Variants in CHAF1B observed in about 807,000 individuals in gnomAD.
CHAF1B encodes CAF-1 subunit B.
A neutral mutation model predicts 60.7 loss-of-function variants in CHAF1B; 10 were observed. That is an observed-to-expected ratio of 0.16 (90% confidence interval 0.10 to 0.28). The LOEUF is 0.28. Among genes scored for constraint, CHAF1B ranks in the 10% least tolerant of loss-of-function variants. The probability of loss-of-function intolerance (pLI) is 1.00; values close to 1 mark genes in which losing one functional copy is unlikely to be tolerated. For synonymous variants in CHAF1B, 261 were observed against 266.1 expected, an observed-to-expected ratio of 0.98 and a Z score of 0.19; for missense variants, 558 against 708.4, an observed-to-expected ratio of 0.79 and a Z score of 2.41.
At chr21:36,398,056 T>G (rs917421939) in intron 6 of CHAF1B, 1 of 132,148 alleles carries the variant, frequency 7.6e-6, no homozygotes, top group African/African-American at 3.3e-5. Context: ...ATTATTACTA[T>G]TTTTTTTTTT....
In CHAF1B at chr21:36,407,300, T is replaced by TAA. The variant is rs56714492; in HGVS notation, c.758-1445_758-1444dup. On this transcript the variant is annotated intron_variant, in intron 8 of 13. Coordinates refer to ENST00000314103, the MANE Select transcript of CHAF1B (RefSeq NM_005441.3). ...CTGGGCAACAGAGTGAGACTCTGTCTAAAAAAAAAAAAAAAAAGTATATGT... is the reference window on the plus strand; with the variant it reads ...CTGGGCAACAGAGTGAGACTCTGTCTAAAAAAAAAAAAAAAAAAAGTATATGT... Among the ~76,000 whole-genome samples, 216 of 128,656 alleles carry TAA rather than the reference T, an allele frequency of 1.7e-3. 1 individual carries two copies. The highest frequency in any genetic ancestry group is 5.5e-3 in the African/African-American group (200 of 36,198). The allele number at this position is 128,656 out of a possible 152,430, so 84.4% of individuals were successfully genotyped here.
At chr21:36,409,279 G>C in intron 9 of CHAF1B, 95 bp from the exon 10 acceptor site, 1 of 870,752 alleles carries the variant, frequency 1.1e-6, no homozygotes, top group Non-Finnish European at 1.9e-6. Flanking sequence ...GGGTTTATAG[G>C]TGTGAGCCAC....
chr21:36,387,803 G>C lies in CHAF1B; in HGVS notation c.259+73G>C, dbSNP rs1341560938. 7.8e-6 allele frequency: 11 copies of C among 1,414,092 alleles called. No individual in the cohort carries two copies. In the East Asian group the frequency reaches 2.6e-4, roughly 33 times the overall value. 87.6% of individuals were successfully genotyped at this position (1,414,092 alleles called of 1,614,324 possible). ...CTGTGTGTCTTGTGTCAGATAGTGA[G>C]ATTTGAGCTGGATATGCTTTTTTTT... On this transcript the variant is annotated intron_variant, in intron 3 of 13. Coordinates refer to ENST00000314103, the MANE Select transcript of CHAF1B (RefSeq NM_005441.3).
chr21:36,394,480 G>A, intron 4 of CHAF1B, 67 bp from the exon 5 acceptor site: 2 of 1,134,562 alleles, frequency 1.8e-6, no homozygotes, highest in Admixed American at 1.8e-5. Flanking sequence ...AAAGTGCTGG[G>A]ATTACAGGGG....
chr21:36,387,511 A>G, intron 2 of CHAF1B, 87 bp from the exon 3 acceptor site: 2 of 1,526,838 alleles, frequency 1.3e-6, no homozygotes, highest in East Asian at 2.3e-5. Context: ...GTGAGCCACC[A>G]CACCCAGCCC....
chr21:36,398,470 C>T (rs374870960), intron 6 of CHAF1B, among the ~76,000 whole-genome samples: 8 of 152,280 alleles, frequency 5.3e-5, no homozygotes, highest in African/African-American at 1.9e-4. Context: ...AGCGATTCTC[C>T]TGCCTCATCC....
At chr21:36,390,257 C>A (rs1439686387) in intron 3 of CHAF1B, among the ~76,000 whole-genome samples, 1 of 146,918 alleles carries the variant, frequency 6.8e-6, no homozygotes, top group Non-Finnish European at 1.5e-5. Context: ...CGCCTGAACC[C>A]GGGAGGCGAA....
chr21:36,410,664 TTGC>T, intron 10 of CHAF1B, among the ~76,000 whole-genome samples: 1 of 151,184 alleles, frequency 6.6e-6, no homozygotes, highest in Non-Finnish European at 1.5e-5. Context: ...ATTTTTCCTC[TTGC>T]TGCTTTCTTT....
chr21:36,403,462 A>G lies in CHAF1B; in HGVS notation c.757+611A>G, dbSNP rs2086209276. On this transcript the variant is annotated intron_variant, in intron 8 of 13. Coordinates refer to ENST00000314103, the MANE Select transcript of CHAF1B (RefSeq NM_005441.3). ...ACAGAGTGATATCTTATCTAAAAAA[A>G]AAAAAAAAAAAAAAAAAAGAAACTT... is the stretch of plus-strand genomic sequence containing the variant. Among the ~76,000 whole-genome samples, 3 of 149,740 alleles carry G rather than the reference A, an allele frequency of 2.0e-5. No individual in the cohort carries two copies. In the East Asian group the frequency reaches 5.8e-4, roughly 29 times the overall value.
chr21:36,416,325 C>T lies in CHAF1B; in HGVS notation c.1639C>T (p.Leu547Phe), dbSNP rs564287319. The change falls in exon 14 of 14, where the codon CTC becomes TTC. Residue 547 changes from leucine (L) to phenylalanine (F), a missense_variant. Leu to Phe is a conservative substitution (Grantham distance 22). Coordinates refer to ENST00000314103, the MANE Select transcript of CHAF1B (RefSeq NM_005441.3). ...GSPPELKRPR[L>F]DENKGGTESL... ...TCCCCCAGAGCTAAAGCGGCCCAGA[C>T]TCGATGAAAACAAAGGAGGCACGGA... The T allele has an allele frequency of 1.2e-6, 2 of 1,614,010 alleles. No homozygotes were observed. Among genetic ancestry groups the T allele is most frequent in the East Asian group, 4.5e-5 (2 of 44,880 alleles).
At chr21:36,389,796 T>TGCGCGCGCGCGCGCGCGC (rs1263503885) in intron 3 of CHAF1B, among the ~76,000 whole-genome samples, 1 of 109,654 alleles carries the variant, frequency 9.1e-6, no homozygotes, top group African/African-American at 4.9e-5. Context: ...TGTGTGTGTG[T>TGCGCGCGCGCGCGCGCGC]GTGTGCGCGC....
intron 2 of CHAF1B, among the ~76,000 whole-genome samples, chr21:36,387,057 G>T (rs908914502): frequency 6.6e-6 from 1 of 152,024 alleles, no homozygotes; most frequent in Non-Finnish European, 1.5e-5. Flanking sequence ...ATTGTAACTG[G>T]ACGTTCATTG....
At chr21:36,387,473 G>C (rs2086044059) in intron 2 of CHAF1B, 125 bp from the exon 3 acceptor site, 2 of 1,165,762 alleles carry the variant, frequency 1.7e-6, no homozygotes, top group Non-Finnish European at 2.5e-6. Flanking sequence ...TACCCACCTT[G>C]GCCTCCTAAA....
At chr21:36,388,060 T>C (rs1052854411) in intron 3 of CHAF1B, among the ~76,000 whole-genome samples, 4 of 152,124 alleles carry the variant, frequency 2.6e-5, no homozygotes, top group Non-Finnish European at 4.4e-5. Flanking sequence ...TGACCTCAGG[T>C]GATCCACCTG....
At chr21:36,403,769 A>C (rs1331856951) in intron 8 of CHAF1B, among the ~76,000 whole-genome samples, 1 of 152,204 alleles carries the variant, frequency 6.6e-6, no homozygotes, top group Non-Finnish European at 1.5e-5. Context: ...TTGTGGCCAC[A>C]GTGTTCTCAG....
intron 10 of CHAF1B, among the ~76,000 whole-genome samples, chr21:36,409,989 G>T (rs1430128862): frequency 6.6e-6 from 1 of 150,470 alleles, no homozygotes; most frequent in Non-Finnish European, 1.5e-5. Context: ...TTTGAGATGG[G>T]GTCTTGCTCT....
At chr21:36,388,356 G>C (rs553377667) in intron 3 of CHAF1B, among the ~76,000 whole-genome samples, 5 of 152,126 alleles carry the variant, frequency 3.3e-5, no homozygotes, top group Admixed American at 2.6e-4. Flanking sequence ...CGACTGTTCT[G>C]GTTTTGTTGG....
At chr21:36,408,036 CTA>C (rs1322345547) in intron 8 of CHAF1B, among the ~76,000 whole-genome samples, 1 of 151,952 alleles carries the variant, frequency 6.6e-6, no homozygotes, top group Non-Finnish European at 1.5e-5. Context: ...ATAAAAAAGA[CTA>C]TTGATACTGT....
chr21:36,388,114 C>T (rs925823925), intron 3 of CHAF1B, among the ~76,000 whole-genome samples: 11 of 152,114 alleles, frequency 7.2e-5, no homozygotes, highest in African/African-American at 2.4e-4. Flanking sequence ...TGAGCCACTG[C>T]GCCCGGCCTG....
Sources: allele counts gnomAD v4.1 joint callset (sites outside exome capture counted in the v4.1 genomes callset), GRCh38; gene constraint gnomAD v4.1.1; transcripts MANE v1.5; gene names NCBI Gene and HGNC (gene_info 2026-07-23, HGNC 2026-07-21).